The following LRMDA variants were observed in gnomAD, a reference collection of about 807,000 sequenced individuals.
The protein encoded by LRMDA is leucine rich melanocyte differentiation associated, also known as leucine-rich melanocyte differentiation-associated protein.
In LRMDA, 18 loss-of-function variants were observed where a neutral mutation model predicts 29.8. That is an observed-to-expected ratio of 0.60 (90% confidence interval 0.42 to 0.90). The LOEUF (loss-of-function observed/expected upper bound fraction) is 0.90. Ranked by LOEUF, LRMDA falls within the 40% of genes least tolerant of loss-of-function variation. The pLI is 0.00. For synonymous variants in LRMDA, 125 were observed against 109.4 expected (o/e 1.14, Z -0.89); for missense variants, 273 against 273.9 (o/e 1.00, Z 0.02).
chr10:75,740,899 T>C (rs1054292359), intron 2 of LRMDA, among the ~76,000 whole-genome samples: 1 of 152,194 alleles, frequency 6.6e-6, no homozygotes, highest in Non-Finnish European at 1.5e-5. Flanking sequence ...TGTACTCTTT[T>C]AGAAGCCTGT....
At position 75,595,629 on chromosome 10, in the gene LRMDA, G is replaced by C. The variant is rs556933020; in HGVS notation, c.131+157135G>C. On this transcript the variant is annotated intron_variant, in intron 2 of 6. Coordinates refer to ENST00000611255, the MANE Select transcript of LRMDA (RefSeq NM_001305581.2). ...TTAATAGTATTTCTGAGTGATAAGT[G>C]GTGTTATCACTCAGAAATTAAGAGT... Among the ~76,000 whole-genome samples, 55 of 149,278 alleles carry C rather than the reference G, an allele frequency of 3.7e-4. 2 individuals carry two copies. In the South Asian group the frequency reaches 0.011, roughly 31 times the overall value.
chr10:76,206,903 G>A lies in LRMDA; in HGVS notation c.517-117498G>A, dbSNP rs141721478. On this transcript the variant is annotated intron_variant, in intron 5 of 6. Coordinates refer to ENST00000611255, the MANE Select transcript of LRMDA (RefSeq NM_001305581.2). ...GTCAGTGCCCATTTGTCCGGGGCTT[G>A]CTATGCGCCAAACGCTCTACAGAAA... Among the ~76,000 whole-genome samples, 1,406 of 152,348 alleles carry A rather than the reference G, an allele frequency of 9.2e-3. 12 individuals are homozygous for A. Among genetic ancestry groups the A allele is most frequent in the Non-Finnish European group, 0.014 (942 of 68,032 alleles).
chr10:75,644,921 T>G (rs1462969439), intron 2 of LRMDA, among the ~76,000 whole-genome samples: 1 of 151,936 alleles, frequency 6.6e-6, no homozygotes, highest in African/African-American at 2.4e-5. Context: ...GGCCCACTCT[T>G]AGGAGTGGTG....
At chr10:76,143,410 T>A (rs1352295490) in intron 5 of LRMDA, among the ~76,000 whole-genome samples, 6 of 152,210 alleles carry the variant, frequency 3.9e-5, no homozygotes, top group Non-Finnish European at 8.8e-5. Context: ...GATATCTCAT[T>A]GTGGTTTTGA....
intron 6 of LRMDA, among the ~76,000 whole-genome samples, chr10:76,325,512 C>G (rs1252285013): frequency 6.6e-6 from 1 of 152,196 alleles, no homozygotes; most frequent in African/African-American, 2.4e-5. Context: ...GAACAGGTCT[C>G]TTTCACTGAA....
chr10:76,356,341 G>A (rs9299535), intron 6 of LRMDA, among the ~76,000 whole-genome samples: 4 of 151,966 alleles, frequency 2.6e-5, no homozygotes, highest in Admixed American at 6.6e-5. Context: ...TTTATTTAGC[G>A]AAGCAATACC....
chr10:76,455,711 T>C (rs1043069151), intron 6 of LRMDA, among the ~76,000 whole-genome samples: 1 of 152,162 alleles, frequency 6.6e-6, no homozygotes, highest in African/African-American at 2.4e-5. Context: ...AAATTAGAGT[T>C]TGTGGCCCAT....
intron 6 of LRMDA, among the ~76,000 whole-genome samples, chr10:76,532,776 T>A (rs1393729083): frequency 5.3e-5 from 8 of 152,234 alleles, no homozygotes; most frequent in Non-Finnish European, 1.2e-4. Flanking sequence ...CATTTCAGCT[T>A]TTCCTAGGGT....
chr10:76,210,436 G>A (rs1851615288), intron 5 of LRMDA, among the ~76,000 whole-genome samples: 2 of 152,296 alleles, frequency 1.3e-5, no homozygotes, highest in African/African-American at 4.8e-5. Context: ...TTTCTGAAGG[G>A]TGGGTCCAAG....
intron 2 of LRMDA, among the ~76,000 whole-genome samples, chr10:75,787,107 G>A (rs1385141631): frequency 1.3e-5 from 2 of 152,142 alleles, no homozygotes; most frequent in Non-Finnish European, 2.9e-5. Context: ...AGTACATTGG[G>A]GTCTATAGAC....
rs1491175224 is a variant in LRMDA at position 76,132,967 on chromosome 10, T to TC, written c.516+74184_516+74185insC. Reference sequence around the variant, plus strand: ...ACAGGCATCCACCACCACGCCCGGCTTTTTTTTTTTTTTTTTTTTTTTTTT... The same window carrying TC: ...ACAGGCATCCACCACCACGCCCGGCTCTTTTTTTTTTTTTTTTTTTTTTTTT... On this transcript the variant is annotated intron_variant, in intron 5 of 6. Coordinates refer to ENST00000611255, the MANE Select transcript of LRMDA (RefSeq NM_001305581.2). Among the ~76,000 whole-genome samples the TC allele has an allele frequency of 9.2e-3, 344 of 37,290 alleles. 2 individuals are homozygous for TC. Among genetic ancestry groups the TC allele is most frequent in the Non-Finnish European group, 0.011 (262 of 22,800 alleles). The allele number at this position is 37,290 out of a possible 152,430, so 24.5% of individuals were successfully genotyped here. A position where few individuals can be genotyped will look rare whatever the true frequency, so the allele number is the denominator to read the frequency against.
chr10:76,066,542 A>C (rs888579038), intron 5 of LRMDA, among the ~76,000 whole-genome samples: 1 of 152,168 alleles, frequency 6.6e-6, no homozygotes, highest in African/African-American at 2.4e-5. Context: ...TCAGGGAAAA[A>C]AGTCACACTC....
At chr10:76,219,896 T>A (rs1215171988) in intron 5 of LRMDA, among the ~76,000 whole-genome samples, 4 of 151,978 alleles carry the variant, frequency 2.6e-5, no homozygotes, top group African/African-American at 9.7e-5. Flanking sequence ...ATGTAAAAGA[T>A]CAGAAATTAT....
chr10:76,503,513 T>A (rs1302202672), intron 6 of LRMDA, among the ~76,000 whole-genome samples: 1 of 151,758 alleles, frequency 6.6e-6, no homozygotes, highest in African/African-American at 2.4e-5. Context: ...GAATGTGTTA[T>A]TGTTCCGTTC....
intron 6 of LRMDA, among the ~76,000 whole-genome samples, chr10:76,478,193 A>G (rs1320595793): frequency 6.6e-6 from 1 of 151,950 alleles, no homozygotes; most frequent in Non-Finnish European, 1.5e-5. Flanking sequence ...ATGAACTCCA[A>G]CAAATTTACA....
At chr10:76,264,383 G>T (rs1349969576) in intron 5 of LRMDA, among the ~76,000 whole-genome samples, 2 of 105,404 alleles carry the variant, frequency 1.9e-5, no homozygotes, top group Non-Finnish European at 3.5e-5. Flanking sequence ...CTCCAGCCTG[G>T]GTAACAGAGC....
intron 5 of LRMDA, among the ~76,000 whole-genome samples, chr10:76,063,752 A>G (rs181238396): frequency 2.6e-5 from 4 of 152,274 alleles, no homozygotes; most frequent in Admixed American, 2.6e-4. Flanking sequence ...CAAATACCCT[A>G]CATAGTCCTG....
At chr10:75,986,669 C>T (rs991740350) in intron 2 of LRMDA, among the ~76,000 whole-genome samples, 5 of 152,242 alleles carry the variant, frequency 3.3e-5, no homozygotes, top group Admixed American at 6.5e-5. Context: ...TCTGGAAAGA[C>T]CTGTTACCCA....
At chr10:75,553,329 C>G (rs1840175191) in intron 2 of LRMDA, among the ~76,000 whole-genome samples, 2 of 152,168 alleles carry the variant, frequency 1.3e-5, no homozygotes, top group Admixed American at 1.3e-4. Flanking sequence ...AGTGGTGAGC[C>G]TGGAGAGATG....
Sources: allele counts gnomAD v4.1 joint callset (sites outside exome capture counted in the v4.1 genomes callset), GRCh38; gene constraint gnomAD v4.1.1; transcripts MANE v1.5; gene names NCBI Gene and HGNC (gene_info 2026-07-23, HGNC 2026-07-21).